EMP1: variants seen among roughly 807,000 people sequenced by gnomAD.
EMP1 encodes the protein epithelial membrane protein 1.
A neutral mutation model predicts 15.7 loss-of-function variants in EMP1; 5 were observed. That is an observed-to-expected ratio of 0.32 (90% CI 0.17 to 0.67). The LOEUF is 0.67. Ranked by LOEUF, EMP1 falls within the 30% of genes least tolerant of loss-of-function variation. EMP1 has a pLI of 0.74. For missense variants in EMP1, 166 were observed against 194.2 expected (o/e 0.85, Z 0.86); for synonymous variants, 78 against 76.7 (o/e 1.02, Z -0.09).
At chr12:13,203,525 A>T (rs898924600) in intron 1 of EMP1, among the ~76,000 whole-genome samples, 18 of 152,256 alleles carry the variant, frequency 1.2e-4, no homozygotes, top group African/African-American at 4.3e-4. Flanking sequence ...TATTCATGCC[A>T]CTTGTTTGCC....
chr12:13,205,055 T>C (rs1371278980), intron 1 of EMP1, among the ~76,000 whole-genome samples: 2 of 152,206 alleles, frequency 1.3e-5, no homozygotes, highest in Non-Finnish European at 2.9e-5. Context: ...CAGAAAAATC[T>C]TTCTAATCGG....
At chr12:13,198,539 G>C (rs543908417) in intron 1 of EMP1, among the ~76,000 whole-genome samples, 1 of 152,308 alleles carries the variant, frequency 6.6e-6, no homozygotes, top group South Asian at 2.1e-4. Flanking sequence ...TCAAGATGAA[G>C]GGAACTCCTA....
rs971904995 is a variant in EMP1 at position 13,203,987 on chromosome 12, C to T, written c.-43+7115C>T. ...TAGTCTACACAGCACCAGACCAACACGACTTGCTGTATAATAACCCCCATT... is the reference window on the plus strand; with the variant it reads ...TAGTCTACACAGCACCAGACCAACATGACTTGCTGTATAATAACCCCCATT... On this transcript the variant is annotated intron_variant, in intron 1 of 4. Coordinates refer to ENST00000256951, the MANE Select transcript of EMP1 (RefSeq NM_001423.3). Among the ~76,000 whole-genome samples, 15 of 152,300 alleles carry T rather than the reference C, an allele frequency of 9.8e-5. No homozygotes were observed. In the East Asian group the frequency reaches 1.7e-3, roughly 18 times the overall value.
At chr12:13,203,228 C>G (rs1358625977) in intron 1 of EMP1, among the ~76,000 whole-genome samples, 2 of 152,220 alleles carry the variant, frequency 1.3e-5, no homozygotes, top group African/African-American at 4.8e-5. Flanking sequence ...TCCCAAACCC[C>G]TAGTTATTAT....
rs1195698205 is a variant in EMP1, at chr12:13,211,331, A to C, written c.-42-138A>C. Reference sequence around the variant, plus strand: ...AGAACTAGGTTACAGGGGTGTTTTCAGGAATTTATGATTAGATTGTGATGG... The same window carrying C: ...AGAACTAGGTTACAGGGGTGTTTTCCGGAATTTATGATTAGATTGTGATGG... On this transcript the variant is annotated intron_variant, in intron 1 of 4. Transcript: ENST00000256951. The surrounding 1 kb of genome is among the most constrained non-coding windows in gnomAD (Gnocchi z 4.7). The C allele has an allele frequency of 1.5e-6, 1 of 667,904 alleles. No homozygotes were observed. Among genetic ancestry groups the C allele is most frequent in the East Asian group, 2.7e-5 (1 of 36,900 alleles). 41.4% of individuals were successfully genotyped at this position (667,904 alleles called of 1,614,324 possible).
In EMP1 at chr12:13,216,281, C is replaced by G. The variant is rs1449872901; in HGVS notation, c.*1590C>G. The G allele has an allele frequency of 8.7e-5, 58 of 667,812 alleles. No homozygotes were observed. Among genetic ancestry groups the G allele is most frequent in the Middle Eastern group, 2.5e-4 (1 of 4,006 alleles). The allele number at this position is 667,812 out of a possible 1,614,324, so 41.4% of individuals were successfully genotyped here. A position where few individuals can be genotyped will look rare whatever the true frequency, so the allele number is the denominator to read the frequency against. On this transcript the variant is annotated 3_prime_UTR_variant, in exon 5 of 5. Coordinates refer to ENST00000256951, the MANE Select transcript of EMP1 (RefSeq NM_001423.3). ...CCTCATCCATTTCTTTTATACCTTT[C>G]CTTTTTGGGGAGTTGTTATGCCATG...
chr12:13,206,860 C>T (rs2121152663), intron 1 of EMP1, among the ~76,000 whole-genome samples: 1 of 152,150 alleles, frequency 6.6e-6, no homozygotes, highest in East Asian at 1.9e-4. Flanking sequence ...AAGTGTTAGG[C>T]TGCCTGAACA....
At chr12:13,209,640 C>T (rs1219995545) in intron 1 of EMP1, 1 of 152,180 alleles carries the variant, frequency 6.6e-6, no homozygotes, top group African/African-American at 2.4e-5. Context: ...AATTCATCCT[C>T]ACATTTCCCT....
intron 2 of EMP1, among the ~76,000 whole-genome samples, chr12:13,212,229 T>C (rs887927443): frequency 2.6e-5 from 4 of 151,094 alleles, no homozygotes; most frequent in African/African-American, 9.8e-5. Context: ...AAAATGGAGG[T>C]AGTGTCTTTT....
intron 4 of EMP1, chr12:13,214,067 G>A (rs1461138212): frequency 3.0e-6 from 2 of 676,004 alleles, no homozygotes; most frequent in Admixed American, 4.2e-5. Flanking sequence ...TCTGTTAGTA[G>A]CACGTGTGTA....
chr12:13,214,398 T>C, intron 4 of EMP1, 136 bp from the exon 5 acceptor site: 1 of 1,256,814 alleles, frequency 8.0e-7, no homozygotes, highest in Non-Finnish European at 1.1e-6. Flanking sequence ...CCATCAGAAC[T>C]CCTGTTTAGG....
intron 1 of EMP1, among the ~76,000 whole-genome samples, chr12:13,198,209 AC>A (rs1864031342): frequency 6.6e-6 from 1 of 152,328 alleles, no homozygotes; most frequent in South Asian, 2.1e-4. Context: ...AAATGCAAAC[AC>A]TCATGCTAAT....
intron 2 of EMP1, 46 bp from the exon 3 acceptor site, chr12:13,213,433 C>A (rs935975780): frequency 6.5e-7 from 1 of 1,548,080 alleles, no homozygotes; most frequent in South Asian, 1.1e-5. Flanking sequence ...ATTTTTAAAT[C>A]AGAGGGCCAG....
Position 13,213,548 on chromosome 12 carries a change from A to G in EMP1, c.148A>G (p.Ser50Gly). Residue 50 changes from serine to glycine, a missense_variant, in exon 3 of 5, where the codon AGT becomes GGT. By Grantham distance (56) the Ser-to-Gly change is moderately conservative (BLOSUM62 0). Coordinates refer to ENST00000256951, the MANE Select transcript of EMP1 (RefSeq NM_001423.3). ...LWKNCTNISCSDSLSYASEDA... is the reference protein window; with the variant it reads ...LWKNCTNISCGDSLSYASEDA... ...GAAAAACTGTACCAACATTAGCTGC[A>G]GTGACAGCCTGTCATATGCCAGTGA... 1 of 1,614,222 alleles carries G rather than the reference A, an allele frequency of 6.2e-7. No individual in the cohort carries two copies.
At chr12:13,198,756 A>T (rs1864036206) in intron 1 of EMP1, among the ~76,000 whole-genome samples, 1 of 152,258 alleles carries the variant, frequency 6.6e-6, no homozygotes, top group Non-Finnish European at 1.5e-5. Context: ...AAGGTTTCAC[A>T]TGATACTGTA....
At chr12:13,210,675 T>C (rs1326580043) in intron 1 of EMP1, among the ~76,000 whole-genome samples, 1 of 152,218 alleles carries the variant, frequency 6.6e-6, no homozygotes, top group Non-Finnish European at 1.5e-5. Context: ...CTATCTCAAG[T>C]TGCATTACTT....
chr12:13,216,798 A>G lies in EMP1; in HGVS notation c.*2107A>G, dbSNP rs2121167351. ...CATTGTGTGAATGTTTTTTTCTAAA[A>G]AAAATGTGGAGAAATATGGATAATT... On this transcript the variant is annotated 3_prime_UTR_variant, in exon 5 of 5. Transcript: ENST00000256951. The G allele has an allele frequency of 4.7e-6, 1 of 212,494 alleles. No homozygotes were observed. The highest frequency in any genetic ancestry group is 1.5e-4 in the South Asian group (1 of 6,842). The allele number at this position is 212,494 out of a possible 1,614,324, so 13.2% of individuals were successfully genotyped here.
At chr12:13,203,583 C>G (rs1864085184) in intron 1 of EMP1, among the ~76,000 whole-genome samples, 1 of 152,256 alleles carries the variant, frequency 6.6e-6, no homozygotes, top group Non-Finnish European at 1.5e-5. Flanking sequence ...AGCATAAAGC[C>G]CATTTCCCCG....
At chr12:13,199,590 G>T (rs1300487650) in intron 1 of EMP1, 1 of 152,138 alleles carries the variant, frequency 6.6e-6, no homozygotes, top group Admixed American at 6.5e-5. Context: ...ATTTGGGAGG[G>T]ATCTTGGATC....
Sources: allele counts gnomAD v4.1 joint callset (sites outside exome capture counted in the v4.1 genomes callset), GRCh38; gene constraint gnomAD v4.1.1; non-coding constraint Gnocchi (gnomAD v3.1); transcripts MANE v1.5; gene names NCBI Gene and HGNC (gene_info 2026-07-23, HGNC 2026-07-21).